Variants in SEZ6L observed in about 807,000 individuals in gnomAD.
SEZ6L encodes the protein seizure related 6 homolog like, also known as seizure 6-like protein.
In SEZ6L, 37 loss-of-function variants were observed where a neutral mutation model predicts 106.2. The observed-to-expected ratio is 0.35, with a 90% CI of 0.27 to 0.46. The LOEUF (loss-of-function observed/expected upper bound fraction) is 0.46. Among genes scored for constraint, SEZ6L ranks in the 20% least tolerant of loss-of-function variants. The pLI is 1.00. For missense variants in SEZ6L, 1,172 were observed against 1,332.8 expected (o/e 0.88, Z 1.88); for synonymous variants, 541 against 570.4 (o/e 0.95, Z 0.73).
intron 9 of SEZ6L, among the ~76,000 whole-genome samples, chr22:26,339,752 C>T (rs1005504314): frequency 2.0e-5 from 3 of 152,222 alleles, no homozygotes; most frequent in Non-Finnish European, 2.9e-5. Context: ...TCAGCATGTT[C>T]TGCACTGAAG....
intron 1 of SEZ6L, among the ~76,000 whole-genome samples, chr22:26,285,807 T>A (rs2080916945): frequency 6.6e-6 from 1 of 152,242 alleles, no homozygotes; most frequent in Non-Finnish European, 1.5e-5. Context: ...TAATTTTGTG[T>A]GATGTGCTCT....
At chr22:26,342,241 C>T (rs1479952908) in intron 10 of SEZ6L, among the ~76,000 whole-genome samples, 5 of 152,106 alleles carry the variant, frequency 3.3e-5, no homozygotes, top group Non-Finnish European at 7.4e-5. Flanking sequence ...GCTTGCACTT[C>T]CCAGGAATTA....
At chr22:26,309,240 C>A (rs1305175542) in intron 6 of SEZ6L, among the ~76,000 whole-genome samples, 1 of 152,202 alleles carries the variant, frequency 6.6e-6, no homozygotes, top group South Asian at 2.1e-4. Flanking sequence ...CCAAGGCTAG[C>A]AAGAAGTCAA....
chr22:26,298,661 C>T (rs139042651), intron 4 of SEZ6L, among the ~76,000 whole-genome samples: 3 of 152,294 alleles, frequency 2.0e-5, no homozygotes, highest in African/African-American at 7.2e-5. Flanking sequence ...GGTCTTGCCC[C>T]TCCCAGTCCC....
At chr22:26,258,806 G>A (rs1016068222) in intron 1 of SEZ6L, among the ~76,000 whole-genome samples, 13 of 152,222 alleles carry the variant, frequency 8.5e-5, no homozygotes, top group Admixed American at 6.5e-4. Flanking sequence ...GGGTAGACTT[G>A]AAGGGCCTTA....
chr22:26,218,801 G>A (rs1372469066), intron 1 of SEZ6L, among the ~76,000 whole-genome samples: 1 of 152,180 alleles, frequency 6.6e-6, no homozygotes, highest in Non-Finnish European at 1.5e-5. Flanking sequence ...GCCAGGTGTA[G>A]TGGTGCATGC....
chr22:26,304,015 C>T (rs1184611567), intron 5 of SEZ6L, among the ~76,000 whole-genome samples: 3 of 152,140 alleles, frequency 2.0e-5, no homozygotes, highest in Non-Finnish European at 2.9e-5. Flanking sequence ...GGACTGACTG[C>T]CACGCTCTGT....
chr22:26,373,575 TTAAAAAA>T (rs949893950), intron 14 of SEZ6L, 92 bp downstream of exon 14: 35 of 956,524 alleles, frequency 3.7e-5, no homozygotes, highest in Admixed American at 7.6e-5. Flanking sequence ...ATTTAGACAC[TTAAAAAA>T]TAAATAAATT....
At chr22:26,181,263 A>T (rs898559373) in intron 1 of SEZ6L, among the ~76,000 whole-genome samples, 1 of 152,172 alleles carries the variant, frequency 6.6e-6, no homozygotes, top group Non-Finnish European at 1.5e-5. Context: ...ACTATGAATC[A>T]ATTTGCAGAG....
chr22:26,286,894 C>T (rs188126808), intron 1 of SEZ6L, among the ~76,000 whole-genome samples: 124 of 151,846 alleles, frequency 8.2e-4, no homozygotes, highest in South Asian at 2.9e-3. Context: ...ATTACAGGCC[C>T]CTGCCACCAT....
chr22:26,292,185 AG>A, intron 1 of SEZ6L: 1 of 477,294 alleles, frequency 2.1e-6, no homozygotes. Context: ...AGAAGGAAGG[AG>A]GGAGGGTGGG....
At chr22:26,357,589 A>G (rs986640371) in intron 12 of SEZ6L, among the ~76,000 whole-genome samples, 15 of 152,156 alleles carry the variant, frequency 9.9e-5, no homozygotes, top group African/African-American at 3.4e-4. Flanking sequence ...ATCTGTTTAT[A>G]TGTTTGTAGA....
chr22:26,334,898 C>G (rs1220593745), intron 9 of SEZ6L, among the ~76,000 whole-genome samples: 1 of 152,192 alleles, frequency 6.6e-6, no homozygotes, highest in African/African-American at 2.4e-5. Context: ...ACCAAGCCTG[C>G]CTGCCTGCCA....
chr22:26,274,014 AAG>A (rs1457277406), intron 1 of SEZ6L, among the ~76,000 whole-genome samples: 1 of 152,130 alleles, frequency 6.6e-6, no homozygotes, highest in Non-Finnish European at 1.5e-5. Flanking sequence ...ATGGCCCCAA[AAG>A]AGAAATTGTA....
At chr22:26,178,215 C>T (rs1939151477) in intron 1 of SEZ6L, among the ~76,000 whole-genome samples, 1 of 152,222 alleles carries the variant, frequency 6.6e-6, no homozygotes, top group African/African-American at 2.4e-5. Context: ...GCTCCCTCCT[C>T]TGCTGACTTG....
intron 12 of SEZ6L, among the ~76,000 whole-genome samples, chr22:26,360,441 A>AT (rs1414591899): frequency 2.0e-5 from 3 of 152,252 alleles, no homozygotes; most frequent in Non-Finnish European, 2.9e-5. Context: ...CGCCTTGCTC[A>AT]TCATTGTATG....
chr22:26,301,457 T>C (rs556747976), intron 5 of SEZ6L, among the ~76,000 whole-genome samples: 130 of 152,318 alleles, frequency 8.5e-4, no homozygotes, highest in Non-Finnish European at 1.6e-3. Context: ...GGCTGTAGTA[T>C]GTAAATGAGT....
intron 1 of SEZ6L, among the ~76,000 whole-genome samples, chr22:26,258,242 A>G (rs1005639442): frequency 2.0e-5 from 3 of 152,168 alleles, no homozygotes; most frequent in African/African-American, 7.2e-5. Flanking sequence ...GTGCTCCCCG[A>G]GTTTAAACCC....
intron 1 of SEZ6L, among the ~76,000 whole-genome samples, chr22:26,208,527 C>G (rs1941406799): frequency 6.6e-6 from 1 of 152,080 alleles, no homozygotes. Context: ...CTTCTGGCTT[C>G]CATAATTTAT....
Sources: allele counts gnomAD v4.1 joint callset (sites outside exome capture counted in the v4.1 genomes callset), GRCh38; gene constraint gnomAD v4.1.1; transcripts MANE v1.5; gene names NCBI Gene and HGNC (gene_info 2026-07-23, HGNC 2026-07-21).